The following BRINP3 variants were observed in gnomAD, a reference collection of about 807,000 sequenced individuals.
BRINP3 encodes the protein BMP/retinoic acid-inducible neural-specific protein 3.
Under a neutral mutation model 71.0 loss-of-function variants are expected in BRINP3, and 19 were observed. The ratio of observed to expected loss-of-function variants is 0.27; its 90% CI spans 0.19 to 0.39. The LOEUF (loss-of-function observed/expected upper bound fraction) is 0.39. BRINP3 is among the 10% of genes least tolerant of loss of function. The pLI, the probability that BRINP3 is intolerant of heterozygous loss-of-function variation, is 1.00. For missense variants in BRINP3, 959 were observed against 940.8 expected (o/e 1.02, Z -0.25); for synonymous variants, 380 against 337.7 (o/e 1.13, Z -1.37).
chr1:190,271,698 ATTTTCAGATAAATGC>A (rs1449990131), intron 3 of BRINP3, among the ~76,000 whole-genome samples: 2 of 151,492 alleles, frequency 1.3e-5, no homozygotes, highest in African/African-American at 2.4e-5. Context: ...ATCTATGTTG[ATTTTCAGATAAATGC>A]TTTTCAGATA....
chr1:190,134,107 A>C (rs1654772159), intron 7 of BRINP3, among the ~76,000 whole-genome samples: 1 of 152,202 alleles, frequency 6.6e-6, no homozygotes, highest in African/African-American at 2.4e-5. Context: ...ATTTTAAGAA[A>C]GCGTTAAGTG....
At chr1:190,224,016 T>A (rs1657113888) in intron 6 of BRINP3, among the ~76,000 whole-genome samples, 1 of 151,752 alleles carries the variant, frequency 6.6e-6, no homozygotes, top group South Asian at 2.1e-4. Flanking sequence ...GTAAAGATAT[T>A]TCATATGTAT....
chr1:190,442,014 T>C (rs981109836), intron 2 of BRINP3, among the ~76,000 whole-genome samples: 4 of 152,136 alleles, frequency 2.6e-5, no homozygotes, highest in African/African-American at 9.7e-5. Context: ...TTTAATGTCA[T>C]TTTCAATCTT....
intron 2 of BRINP3, among the ~76,000 whole-genome samples, chr1:190,419,137 A>G (rs1673193708): frequency 6.6e-6 from 1 of 152,106 alleles, no homozygotes; most frequent in Admixed American, 6.5e-5. Flanking sequence ...TAAACTTCCA[A>G]TATTAGAAAA....
At chr1:190,374,677 G>C (rs1007943296) in intron 2 of BRINP3, among the ~76,000 whole-genome samples, 2 of 151,754 alleles carry the variant, frequency 1.3e-5, no homozygotes, top group African/African-American at 4.8e-5. Context: ...CATAATGTGA[G>C]AGACAACTTA....
intron 1 of BRINP3, among the ~76,000 whole-genome samples, chr1:190,456,551 A>G (rs1196897341): frequency 6.6e-6 from 1 of 151,924 alleles, no homozygotes; most frequent in Non-Finnish European, 1.5e-5. Context: ...TAACTTTCAA[A>G]TTTGCTGAAA....
At chr1:190,273,058 T>C (rs1047581417) in intron 3 of BRINP3, among the ~76,000 whole-genome samples, 3 of 151,234 alleles carry the variant, frequency 2.0e-5, no homozygotes, top group Non-Finnish European at 3.0e-5. Context: ...GATCTGTTTT[T>C]TTTTTTCAAT....
At chr1:190,218,485 A>G (rs1366677865) in intron 6 of BRINP3, among the ~76,000 whole-genome samples, 1 of 152,102 alleles carries the variant, frequency 6.6e-6, no homozygotes, top group African/African-American at 2.4e-5. Context: ...TTATGAGGTA[A>G]CACTGGATGT....
chr1:190,125,465 A>T (rs1414673218), intron 7 of BRINP3, among the ~76,000 whole-genome samples: 1 of 151,904 alleles, frequency 6.6e-6, no homozygotes, highest in Non-Finnish European at 1.5e-5. Context: ...TGTACATTTT[A>T]TTTCAACAAT....
chr1:190,377,073 T>C (rs1359612381), intron 2 of BRINP3, among the ~76,000 whole-genome samples: 1 of 152,042 alleles, frequency 6.6e-6, no homozygotes, highest in Non-Finnish European at 1.5e-5. Context: ...ATTTTTAATA[T>C]AATTTTATTT....
chr1:190,241,506 A>C (rs1659094174), intron 4 of BRINP3, among the ~76,000 whole-genome samples: 1 of 152,052 alleles, frequency 6.6e-6, no homozygotes, highest in African/African-American at 2.4e-5. Context: ...GTTACAATAA[A>C]ACACAATTTA....
chr1:190,437,430 C>T (rs1160373796), intron 2 of BRINP3, among the ~76,000 whole-genome samples: 1 of 151,776 alleles, frequency 6.6e-6, no homozygotes, highest in Non-Finnish European at 1.5e-5. Flanking sequence ...TTCTTTTGCT[C>T]TGTCCAGTAA....
intron 2 of BRINP3, among the ~76,000 whole-genome samples, chr1:190,333,780 GT>G (rs1289090777): frequency 1.3e-5 from 2 of 151,862 alleles, no homozygotes; most frequent in Admixed American, 6.6e-5. Context: ...TCAATTTCTT[GT>G]AACAGAGCCC....
chr1:190,257,966 T>C (rs1305007203), intron 4 of BRINP3, among the ~76,000 whole-genome samples: 1 of 152,186 alleles, frequency 6.6e-6, no homozygotes, highest in Non-Finnish European at 1.5e-5. Flanking sequence ...AGGCAATCTG[T>C]CCATTCTCTG....
chr1:190,218,824 G>A (rs904221026), intron 6 of BRINP3, among the ~76,000 whole-genome samples: 1 of 151,732 alleles, frequency 6.6e-6, no homozygotes, highest in African/African-American at 2.4e-5. Flanking sequence ...TAAATCTTAA[G>A]GGAGCCTACA....
chr1:190,288,835 GCAC>G (rs1409893370), intron 2 of BRINP3, among the ~76,000 whole-genome samples: 1 of 151,860 alleles, frequency 6.6e-6, no homozygotes, highest in Non-Finnish European at 1.5e-5. Flanking sequence ...TAAAGAATAT[GCAC>G]CACACCAGTG....
At chr1:190,227,632 T>C (rs1334586315) in intron 5 of BRINP3, among the ~76,000 whole-genome samples, 1 of 151,928 alleles carries the variant, frequency 6.6e-6, no homozygotes, top group East Asian at 1.9e-4. Flanking sequence ...AAAAACTTTT[T>C]ATTAAAAAGT....
At chr1:190,408,340 G>A (rs1672441879) in intron 2 of BRINP3, among the ~76,000 whole-genome samples, 1 of 151,742 alleles carries the variant, frequency 6.6e-6, no homozygotes. Flanking sequence ...CACCGCATCC[G>A]GCCTACATTT....
intron 2 of BRINP3, among the ~76,000 whole-genome samples, chr1:190,309,873 C>G (rs1665394461): frequency 6.6e-6 from 1 of 151,632 alleles, no homozygotes; most frequent in African/African-American, 2.4e-5. Context: ...ATTTAAATCT[C>G]AAAGATTCAG....
Sources: allele counts gnomAD v4.1 joint callset (sites outside exome capture counted in the v4.1 genomes callset), GRCh38; gene constraint gnomAD v4.1.1; transcripts MANE v1.5; gene names NCBI Gene and HGNC (gene_info 2026-07-23, HGNC 2026-07-21).